MSI2: variants seen among roughly 807,000 people sequenced by gnomAD.
MSI2 encodes RNA-binding protein Musashi homolog 2.
Under a neutral mutation model 45.6 loss-of-function variants are expected in MSI2, and 17 were observed. That is an observed-to-expected ratio of 0.37 (90% CI 0.26 to 0.56). The LOEUF is 0.56. Among genes scored for constraint, MSI2 ranks in the 20% least tolerant of loss-of-function variants. The pLI, the probability that MSI2 is intolerant of heterozygous loss-of-function variation, is 0.77. For synonymous variants in MSI2, 156 were observed against 158.2 expected (o/e 0.99, Z 0.11); for missense variants, 293 against 444.2 (o/e 0.66, Z 3.06).
chr17:57,560,781 C>T (rs2087555672), intron 7 of MSI2, among the ~76,000 whole-genome samples: 2 of 152,248 alleles, frequency 1.3e-5, no homozygotes, highest in South Asian at 2.1e-4. Context: ...TTCCTCGCAG[C>T]TCAGTAAAGG....
intron 5 of MSI2, chr17:57,262,396 C>T (rs1907395681): frequency 2.0e-6 from 1 of 493,310 alleles, no homozygotes. Flanking sequence ...GAACATCCAC[C>T]TGGGGGCAGG....
intron 6 of MSI2, among the ~76,000 whole-genome samples, chr17:57,401,791 C>T (rs922341793): frequency 2.6e-5 from 4 of 152,084 alleles, no homozygotes; most frequent in South Asian, 2.1e-4. Flanking sequence ...GGCTGTGACT[C>T]GCAGGGCAGG....
At position 57,446,085 on chromosome 17, in the gene MSI2, T is replaced by C. The variant is rs12453127; in HGVS notation, c.405+44614T>C. ...AAGACAAATACACGAACACACTCCTTACTGATACCGATCGGTGCAGAGGAA... is the reference window on the plus strand; with the variant it reads ...AAGACAAATACACGAACACACTCCTCACTGATACCGATCGGTGCAGAGGAA... On this transcript the variant is annotated intron_variant, in intron 6 of 13. Coordinates refer to ENST00000284073, the MANE Select transcript of MSI2 (RefSeq NM_138962.4). 4.0e-3 allele frequency among the ~76,000 whole-genome samples: 615 copies of C among 152,212 alleles called. 6 individuals are homozygous for C. The highest frequency in any genetic ancestry group is 0.024 in the Middle Eastern group (7 of 294).
chr17:57,662,563 G>A (rs1195705963), intron 11 of MSI2, among the ~76,000 whole-genome samples: 2 of 152,212 alleles, frequency 1.3e-5, no homozygotes, highest in African/African-American at 4.8e-5. Flanking sequence ...GGCAGAGACA[G>A]GATTTGAGCC....
At chr17:57,493,863 C>T (rs748436070) in intron 6 of MSI2, among the ~76,000 whole-genome samples, 1 of 152,122 alleles carries the variant, frequency 6.6e-6, no homozygotes, top group African/African-American at 2.4e-5. Context: ...CATCACCCAA[C>T]ACTGTGAGGT....
chr17:57,455,697 G>C (rs1054073576), intron 6 of MSI2, among the ~76,000 whole-genome samples: 1 of 152,160 alleles, frequency 6.6e-6, no homozygotes, highest in Non-Finnish European at 1.5e-5. Context: ...GAGGGACAGT[G>C]GGGGAGAGCC....
chr17:57,614,090 G>A (rs1339755928), intron 8 of MSI2, among the ~76,000 whole-genome samples: 6 of 151,718 alleles, frequency 4.0e-5, no homozygotes, highest in Admixed American at 1.3e-4. Context: ...TCGCTCTGTC[G>A]CCCAGGCTGG....
At chr17:57,677,460 A>T (rs745806898) in intron 13 of MSI2, among the ~76,000 whole-genome samples, 2 of 152,200 alleles carry the variant, frequency 1.3e-5, no homozygotes, top group Non-Finnish European at 2.9e-5. Context: ...GCCTGGAAGC[A>T]GGGATGGGGG....
At chr17:57,582,614 G>A (rs117549703) in intron 7 of MSI2, among the ~76,000 whole-genome samples, 108 of 152,214 alleles carry the variant, frequency 7.1e-4, no homozygotes, top group Non-Finnish European at 1.1e-3. Flanking sequence ...AGATCCCAGC[G>A]GAGGAAGCAC....
At position 57,411,160 on chromosome 17, in the gene MSI2, A is replaced by C. The variant is rs543586475; in HGVS notation, c.405+9689A>C. ...GCTAGGACTACAGGCATGCACCACC[A>C]TGCCTGGCTAATTTTTTTGTATTTT... On this transcript the variant is annotated intron_variant, in intron 6 of 13. Coordinates refer to ENST00000284073, the MANE Select transcript of MSI2 (RefSeq NM_138962.4). 3.4e-3 allele frequency among the ~76,000 whole-genome samples: 521 copies of C among 152,134 alleles called. 3 individuals are homozygous for C. The highest frequency in any genetic ancestry group is 0.012 in the African/African-American group (507 of 41,488).
At chr17:57,329,858 T>C (rs1914102073) in intron 5 of MSI2, among the ~76,000 whole-genome samples, 1 of 152,138 alleles carries the variant, frequency 6.6e-6, no homozygotes, top group Admixed American at 6.5e-5. Context: ...AATATTAAGG[T>C]CCATTTATAA....
chr17:57,349,623 C>T (rs890121790), intron 5 of MSI2, among the ~76,000 whole-genome samples: 4 of 152,182 alleles, frequency 2.6e-5, no homozygotes, highest in Non-Finnish European at 4.4e-5. Flanking sequence ...TGTCTAAGTA[C>T]CATGTCATGA....
At chr17:57,283,200 G>A (rs78017244) in intron 5 of MSI2, among the ~76,000 whole-genome samples, 2,949 of 152,086 alleles carry the variant, frequency 0.019, 97 homozygotes, top group African/African-American at 0.067. Flanking sequence ...CAAACTCACC[G>A]GGACTTCTAG....
At chr17:57,634,237 C>T (rs539873752) in intron 10 of MSI2, among the ~76,000 whole-genome samples, 9 of 152,188 alleles carry the variant, frequency 5.9e-5, no homozygotes, top group African/African-American at 1.7e-4. Context: ...AGGTCGAGGC[C>T]GGTGGATTGC....
chr17:57,699,182 A>AGAGAGAGAGTGTGT, the MSI2 span, among the ~76,000 whole-genome samples: 2 of 25,082 alleles, frequency 8.0e-5, no homozygotes, highest in Admixed American at 4.6e-4. Context: ...AGAGAGAGAG[A>AGAGAGAGAGTGTGT]GTGTGTGTGT....
intron 6 of MSI2, among the ~76,000 whole-genome samples, chr17:57,420,652 G>A (rs796803571): frequency 1.2e-4 from 18 of 152,332 alleles, no homozygotes; most frequent in African/African-American, 4.3e-4. Context: ...GACACCAGGA[G>A]CTGAGCTGGC....
intron 9 of MSI2, among the ~76,000 whole-genome samples, chr17:57,620,793 C>T (rs190401617): frequency 6.6e-6 from 1 of 152,296 alleles, no homozygotes; most frequent in Admixed American, 6.5e-5. Flanking sequence ...TGAGCAGGGT[C>T]TCCTAAGATG....
At chr17:57,293,908 T>C (rs1215656126) in intron 5 of MSI2, among the ~76,000 whole-genome samples, 1 of 63,850 alleles carries the variant, frequency 1.6e-5, no homozygotes, top group Non-Finnish European at 3.2e-5. Context: ...GTGCCCAGCC[T>C]GTTTTTTTTT....
intron 10 of MSI2, among the ~76,000 whole-genome samples, chr17:57,650,107 T>C (rs1911019798): frequency 6.6e-6 from 1 of 152,184 alleles, no homozygotes; most frequent in African/African-American, 2.4e-5. Context: ...TAAGTTTTTT[T>C]TTTCTTCCTC....
Sources: allele counts gnomAD v4.1 joint callset (sites outside exome capture counted in the v4.1 genomes callset), GRCh38; gene constraint gnomAD v4.1.1; transcripts MANE v1.5; gene names NCBI Gene and HGNC (gene_info 2026-07-23, HGNC 2026-07-21).